Variants in HECW2 observed in about 807,000 individuals in gnomAD.
HECW2 encodes the protein E3 ubiquitin-protein ligase HECW2.
HECW2 carries 61 observed loss-of-function variants against 175.2 expected under a neutral mutation model. The ratio of observed to expected loss-of-function variants is 0.35; its 90% CI spans 0.28 to 0.43. The LOEUF (loss-of-function observed/expected upper bound fraction) is 0.43, where lower values mean the gene tolerates loss of function less well. HECW2 is among the 20% of genes least tolerant of loss of function. The pLI, the probability that HECW2 is intolerant of heterozygous loss-of-function variation, is 1.00. For synonymous variants in HECW2, 671 were observed against 731.0 expected, an observed-to-expected ratio of 0.92 and a Z score of 1.32; for missense variants, 1,524 against 2,000.5, an observed-to-expected ratio of 0.76 and a Z score of 4.54.
At chr2:196,468,404 C>G (rs538890260) in intron 1 of HECW2, among the ~76,000 whole-genome samples, 10 of 152,296 alleles carry the variant, frequency 6.6e-5, no homozygotes, top group Admixed American at 5.2e-4. Flanking sequence ...CAACACCCAC[C>G]CACCCCTACG....
chr2:196,471,764 A>G (rs1697206515), intron 1 of HECW2, among the ~76,000 whole-genome samples: 1 of 152,118 alleles, frequency 6.6e-6, no homozygotes, highest in African/African-American at 2.4e-5. Flanking sequence ...GGGCTAAACA[A>G]TGAGAACACA....
intron 2 of HECW2, among the ~76,000 whole-genome samples, chr2:196,418,656 AGT>A (rs1434228616): frequency 6.6e-6 from 1 of 152,220 alleles, no homozygotes; most frequent in African/African-American, 2.4e-5. Context: ...AAAAAATGAG[AGT>A]ATAAAGCAGT....
chr2:196,376,621 G>C (rs1438056157), intron 2 of HECW2, among the ~76,000 whole-genome samples: 1 of 113,012 alleles, frequency 8.8e-6, no homozygotes, highest in African/African-American at 3.3e-5. Context: ...GGGCAACAGA[G>C]CAAGACTCTG....
chr2:196,441,235 C>G (rs1399545822), intron 1 of HECW2, among the ~76,000 whole-genome samples: 1 of 152,168 alleles, frequency 6.6e-6, no homozygotes, highest in Non-Finnish European at 1.5e-5. Flanking sequence ...AAAACATTGT[C>G]AGAGGATTTT....
intron 2 of HECW2, among the ~76,000 whole-genome samples, chr2:196,388,917 C>T (rs1009179536): frequency 1.3e-5 from 2 of 152,206 alleles, no homozygotes; most frequent in Admixed American, 6.5e-5. Context: ...ACGGGGAAGA[C>T]TGGCATTTGG....
chr2:196,486,092 T>G (rs1385961583), intron 1 of HECW2, among the ~76,000 whole-genome samples: 1 of 152,202 alleles, frequency 6.6e-6, no homozygotes, highest in African/African-American at 2.4e-5. Flanking sequence ...TTGTGGGTTT[T>G]GTAAAGGGTC....
At chr2:196,335,410 G>A (rs886928713) in intron 3 of HECW2, among the ~76,000 whole-genome samples, 3 of 152,182 alleles carry the variant, frequency 2.0e-5, no homozygotes, top group Middle Eastern at 3.2e-3. Flanking sequence ...CCAAGGTGTC[G>A]TTCTAAATAT....
chr2:196,334,389 A>G, intron 4 of HECW2, 35 bp downstream of exon 4: 1 of 1,481,392 alleles, frequency 6.8e-7, no homozygotes, highest in Non-Finnish European at 9.3e-7. Context: ...CCCAGCATGG[A>G]TCTCACAAGG....
chr2:196,307,079 C>T, intron 12 of HECW2, 51 bp downstream of exon 12: 5 of 1,308,970 alleles, frequency 3.8e-6, no homozygotes, highest in Non-Finnish European at 5.5e-6. Context: ...TCCTTATTTG[C>T]TTCTTTTTCC....
intron 1 of HECW2, among the ~76,000 whole-genome samples, chr2:196,557,718 T>C (rs550539737): frequency 3.3e-5 from 5 of 152,176 alleles, no homozygotes; most frequent in Non-Finnish European, 7.3e-5. Context: ...ATACTGCTAA[T>C]ATAATGAGTG....
chr2:196,422,729 ACTTT>A (rs1350071826), intron 2 of HECW2, among the ~76,000 whole-genome samples: 1 of 152,162 alleles, frequency 6.6e-6, no homozygotes, highest in Non-Finnish European at 1.5e-5. Context: ...CAAAGCTCTT[ACTTT>A]CTAAGAGCAT....
chr2:196,454,374 A>C (rs1213399782), intron 1 of HECW2, among the ~76,000 whole-genome samples: 1 of 152,232 alleles, frequency 6.6e-6, no homozygotes, highest in African/African-American at 2.4e-5. Context: ...ACATGAAACT[A>C]TATCAGCCTT....
chr2:196,468,385 C>T (rs1697049219), intron 1 of HECW2, among the ~76,000 whole-genome samples: 1 of 152,150 alleles, frequency 6.6e-6, no homozygotes, highest in Non-Finnish European at 1.5e-5. Context: ...GGAGTATGTA[C>T]AATATTGTCA....
intron 2 of HECW2, among the ~76,000 whole-genome samples, chr2:196,351,190 T>TA (rs891491822): frequency 2.0e-5 from 3 of 151,282 alleles, no homozygotes; most frequent in African/African-American, 4.9e-5. Flanking sequence ...TCTTTTTTTT[T>TA]AAAAAAAATG....
intron 17 of HECW2, among the ~76,000 whole-genome samples, chr2:196,265,492 A>C (rs1689478411): frequency 6.6e-6 from 1 of 152,118 alleles, no homozygotes; most frequent in African/African-American, 2.4e-5. Context: ...TCCGCTCCCC[A>C]CCCCCAAAAG....
At chr2:196,411,288 A>G (rs1018316744) in intron 2 of HECW2, among the ~76,000 whole-genome samples, 1 of 152,184 alleles carries the variant, frequency 6.6e-6, no homozygotes, top group Non-Finnish European at 1.5e-5. Context: ...TACAGGCATG[A>G]GCCACCATGC....
intron 13 of HECW2, 94 bp from the exon 14 acceptor site, chr2:196,292,844 G>T: frequency 2.2e-6 from 2 of 928,174 alleles, no homozygotes; most frequent in Non-Finnish European, 3.3e-6. Context: ...CTTCCAATAA[G>T]TAATGAAATG....
chr2:196,433,708 C>G (rs2125273376), intron 1 of HECW2, among the ~76,000 whole-genome samples: 1 of 152,250 alleles, frequency 6.6e-6, no homozygotes, highest in Admixed American at 6.5e-5. Context: ...ACAGCTTTCT[C>G]CTAGCAATCA....
chr2:196,518,492 T>C (rs1373680736), intron 1 of HECW2, among the ~76,000 whole-genome samples: 3 of 151,334 alleles, frequency 2.0e-5, no homozygotes. Flanking sequence ...CCCATCTCTA[T>C]TAAAAATACA....
Sources: gnomAD v4.1 joint callset for allele counts (sites outside exome capture counted in the v4.1 genomes callset) on GRCh38, gnomAD v4.1.1 for gene constraint, MANE v1.5 for transcripts, NCBI Gene and HGNC (gene_info 2026-07-23, HGNC 2026-07-21) for gene names.